The following NIBAN1 variants were observed in gnomAD, a reference collection of about 807,000 sequenced individuals.
NIBAN1 encodes the protein niban apoptosis regulator 1, also known as protein Niban 1.
In NIBAN1, 81 loss-of-function variants were observed where a neutral mutation model predicts 75.1. The observed-to-expected ratio is 1.08, with a 90% CI of 0.90 to 1.30. The LOEUF (loss-of-function observed/expected upper bound fraction) is 1.30. Ranked by LOEUF, NIBAN1 falls within the 50% of genes most tolerant of loss-of-function variation. The pLI, the probability that NIBAN1 is intolerant of heterozygous loss-of-function variation, is 0.00. For missense variants in NIBAN1, 1,133 were observed against 1,128.1 expected (o/e 1.00, Z -0.06); for synonymous variants, 436 against 424.8 (o/e 1.03, Z -0.32).
intron 1 of NIBAN1, among the ~76,000 whole-genome samples, chr1:184,972,320 A>G (rs1658960683): frequency 6.6e-6 from 1 of 152,248 alleles, no homozygotes; most frequent in Non-Finnish European, 1.5e-5. Flanking sequence ...AGGCTAAAAA[A>G]TGGGCAAAGA....
intron 10 of NIBAN1, among the ~76,000 whole-genome samples, chr1:184,807,464 A>G (rs560807429): frequency 6.6e-6 from 1 of 152,298 alleles, no homozygotes; most frequent in South Asian, 2.1e-4. Context: ...TAGAAACAGT[A>G]GGAATCAGGG....
intron 8 of NIBAN1, among the ~76,000 whole-genome samples, chr1:184,819,848 G>C (rs921274612): frequency 6.6e-6 from 1 of 152,198 alleles, no homozygotes; most frequent in African/African-American, 2.4e-5. Context: ...TTCAGGAGCA[G>C]GGCTAACATT....
At chr1:184,805,815 A>G (rs1263218917) in intron 11 of NIBAN1, 131 bp downstream of exon 11, 2 of 693,168 alleles carry the variant, frequency 2.9e-6, no homozygotes, top group East Asian at 2.7e-5. Context: ...ACTGACAGTC[A>G]CTGGACTTGG....
At chr1:184,854,314 C>T (rs938806296) in intron 5 of NIBAN1, among the ~76,000 whole-genome samples, 4 of 152,156 alleles carry the variant, frequency 2.6e-5, no homozygotes, top group Admixed American at 6.5e-5. Context: ...TTCAAACAGC[C>T]TCATTACAAA....
intron 5 of NIBAN1, among the ~76,000 whole-genome samples, chr1:184,839,001 G>C (rs1353093653): frequency 6.6e-6 from 1 of 152,160 alleles, no homozygotes; most frequent in African/African-American, 2.4e-5. Context: ...GATGCAGTGA[G>C]GCTGTGTGCC....
rs770802013 is a variant in NIBAN1 at position 184,899,174 on chromosome 1, C to T, written c.186+5G>A. ...ATACATGTAAACCAAATATCCATGG[C>T]TTACCTTGGTCTTCAAAAACTGTGA... On this transcript the variant is annotated splice_donor_5th_base_variant and intron_variant, in intron 2 of 13. Coordinates refer to ENST00000367511, the MANE Select transcript of NIBAN1 (RefSeq NM_052966.4). 3.1e-6 allele frequency: 5 copies of T among 1,613,648 alleles called. No individual in the cohort carries two copies. The Admixed American group carries it at 8.3e-5, about 27-fold the overall frequency.
intron 1 of NIBAN1, among the ~76,000 whole-genome samples, chr1:184,941,895 T>C (rs1658098002): frequency 6.6e-6 from 1 of 152,166 alleles, no homozygotes; most frequent in South Asian, 2.1e-4. Context: ...CAGTAGCAGA[T>C]CAGCTGCTCA....
intron 9 of NIBAN1, among the ~76,000 whole-genome samples, chr1:184,813,700 TTATTA>T (rs1654446958): frequency 6.6e-6 from 1 of 152,198 alleles, no homozygotes; most frequent in South Asian, 2.1e-4. Flanking sequence ...GTGAAATAAT[TTATTA>T]AAAGGAATTT....
chr1:184,795,258 C>T lies in NIBAN1; in HGVS notation c.2506G>A (p.Gly836Arg). ...EGRGGKCTEE[G>R]DASQQEGCTL... ...CAGCCCTCTTGCTGTGAGGCATCCC[C>T]TTCCTCGGTACACTTGCCCCCTCTT... is the stretch of plus-strand genomic sequence containing the variant. The change falls in exon 14 of 14, where the codon GGG becomes AGG. Residue 836 changes from glycine to arginine, a missense_variant. Gly to Arg is a moderately radical substitution (Grantham distance 125). Coordinates refer to ENST00000367511, the MANE Select transcript of NIBAN1 (RefSeq NM_052966.4). The T allele has an allele frequency of 1.9e-6, 3 of 1,613,420 alleles. No individual in the cohort carries two copies. The highest frequency in any genetic ancestry group is 2.5e-6 in the Non-Finnish European group (3 of 1,180,046).
At chr1:184,805,470 T>C (rs1654169303) in intron 11 of NIBAN1, among the ~76,000 whole-genome samples, 1 of 152,350 alleles carries the variant, frequency 6.6e-6, no homozygotes, top group East Asian at 1.9e-4. Flanking sequence ...TAATAAACAC[T>C]CTGAAGTACA....
At chr1:184,912,504 C>A (rs1303124442) in intron 1 of NIBAN1, among the ~76,000 whole-genome samples, 2 of 152,184 alleles carry the variant, frequency 1.3e-5, no homozygotes, top group East Asian at 3.9e-4. Flanking sequence ...CTCAGGAATT[C>A]TCGGTACTGT....
At chr1:184,924,916 T>C (rs1187294798) in intron 1 of NIBAN1, among the ~76,000 whole-genome samples, 1 of 152,138 alleles carries the variant, frequency 6.6e-6, no homozygotes, top group African/African-American at 2.4e-5. Context: ...GTCTTGTCTT[T>C]TTTTCTTAGT....
intron 5 of NIBAN1, among the ~76,000 whole-genome samples, chr1:184,842,268 A>G (rs909423382): frequency 2.0e-5 from 3 of 152,182 alleles, no homozygotes; most frequent in African/African-American, 7.2e-5. Context: ...CATCAACATC[A>G]CCTAGCAGGC....
intron 5 of NIBAN1, among the ~76,000 whole-genome samples, chr1:184,869,984 A>G (rs560435202): frequency 6.6e-6 from 1 of 152,366 alleles, no homozygotes; most frequent in South Asian, 2.1e-4. Context: ...TTATGTTTAA[A>G]AGGAAGACCC....
chr1:184,919,483 C>T (rs1225501711), intron 1 of NIBAN1, among the ~76,000 whole-genome samples: 1 of 152,112 alleles, frequency 6.6e-6, no homozygotes, highest in South Asian at 2.1e-4. Context: ...TGGCTTAATC[C>T]GATTCAGTGC....
chr1:184,845,889 C>G (rs1655429424), intron 5 of NIBAN1, among the ~76,000 whole-genome samples: 1 of 81,844 alleles, frequency 1.2e-5, no homozygotes, highest in Non-Finnish European at 2.4e-5. Context: ...TCGGGTCACT[C>G]CCACCCGAAT....
chr1:184,910,136 C>T (rs1448551805), intron 1 of NIBAN1, among the ~76,000 whole-genome samples: 3 of 151,992 alleles, frequency 2.0e-5, no homozygotes, highest in African/African-American at 4.8e-5. Flanking sequence ...GGAGTCTAGG[C>T]CTCATAGGTG....
chr1:184,912,927 T>C (rs749660378), intron 1 of NIBAN1, among the ~76,000 whole-genome samples: 1 of 152,062 alleles, frequency 6.6e-6, no homozygotes, highest in African/African-American at 2.4e-5. Context: ...TGCTTGCCCA[T>C]TGGCCCCAGG....
chr1:184,826,106 G>A (rs1246958471), intron 6 of NIBAN1, among the ~76,000 whole-genome samples: 2 of 152,154 alleles, frequency 1.3e-5, no homozygotes, highest in South Asian at 2.1e-4. Flanking sequence ...GGAGGTGGAC[G>A]AGCTATCCAG....
Sources: gnomAD v4.1 joint callset for allele counts (sites outside exome capture counted in the v4.1 genomes callset) on GRCh38, gnomAD v4.1.1 for gene constraint, MANE v1.5 for transcripts, NCBI Gene and HGNC (gene_info 2026-07-23, HGNC 2026-07-21) for gene names.